OSBPL6: variants seen among roughly 807,000 people sequenced by gnomAD.
The protein encoded by OSBPL6 is oxysterol-binding protein-related protein 6.
In OSBPL6, 49 loss-of-function variants were observed where a neutral mutation model predicts 125.8. The observed-to-expected ratio is 0.39, with a 90% CI of 0.31 to 0.49. The LOEUF (loss-of-function observed/expected upper bound fraction) is 0.49. OSBPL6 is among the 20% of genes least tolerant of loss of function. The probability of loss-of-function intolerance (pLI) is 0.88; values close to 1 mark genes in which losing one functional copy is unlikely to be tolerated. For synonymous variants in OSBPL6, 394 were observed against 391.8 expected (o/e 1.01, Z -0.07); for missense variants, 986 against 1,135.4 (o/e 0.87, Z 1.89).
At chr2:178,264,676 A>G (rs186294047) in intron 1 of OSBPL6, among the ~76,000 whole-genome samples, 22 of 152,308 alleles carry the variant, frequency 1.4e-4, no homozygotes, top group South Asian at 4.1e-4. Flanking sequence ...ATATTCTCCA[A>G]TGGGTCCCTA....
chr2:178,208,294 A>AAG (rs1194454298), intron 1 of OSBPL6, among the ~76,000 whole-genome samples: 15 of 151,858 alleles, frequency 9.9e-5, no homozygotes, highest in African/African-American at 3.6e-4. Flanking sequence ...TAAAAAAAAA[A>AAG]AAAAAGAAAA....
chr2:178,222,457 C>T (rs1275866053), intron 1 of OSBPL6, among the ~76,000 whole-genome samples: 4 of 152,172 alleles, frequency 2.6e-5, no homozygotes, highest in African/African-American at 9.7e-5. Flanking sequence ...ATCCTGCTAA[C>T]ACGGTGAAAC....
intron 1 of OSBPL6, among the ~76,000 whole-genome samples, chr2:178,195,734 T>A (rs2088846259): frequency 6.6e-6 from 1 of 152,182 alleles, no homozygotes; most frequent in Non-Finnish European, 1.5e-5. Context: ...CCTGTAAGGT[T>A]TTTTCTATAG....
At chr2:178,363,189 C>A (rs1025170377) in intron 13 of OSBPL6, among the ~76,000 whole-genome samples, 1 of 152,132 alleles carries the variant, frequency 6.6e-6, no homozygotes, top group African/African-American at 2.4e-5. Context: ...CAAGAAAATG[C>A]ATTTGTTTCT....
intron 1 of OSBPL6, among the ~76,000 whole-genome samples, chr2:178,221,334 A>G (rs1387079903): frequency 6.6e-6 from 1 of 152,212 alleles, no homozygotes; most frequent in Admixed American, 6.5e-5. Context: ...TGTAGGGTAG[A>G]AACATCACTG....
intron 13 of OSBPL6, among the ~76,000 whole-genome samples, chr2:178,364,037 G>A (rs561991340): frequency 1.3e-5 from 2 of 152,302 alleles, no homozygotes; most frequent in African/African-American, 4.8e-5. Flanking sequence ...CTCCCTTTTG[G>A]AAACCACAGC....
chr2:178,291,821 CCATCCATT>C (rs1347982735), intron 2 of OSBPL6, among the ~76,000 whole-genome samples: 5 of 142,622 alleles, frequency 3.5e-5, no homozygotes, highest in Admixed American at 7.2e-5. Flanking sequence ...ATCCATCCAT[CCATCCATT>C]CATCCTTGAT....
chr2:178,350,450 AG>A (rs1360347022), intron 12 of OSBPL6, among the ~76,000 whole-genome samples: 2 of 152,230 alleles, frequency 1.3e-5, no homozygotes, highest in African/African-American at 4.8e-5. Context: ...GAGACTCAAC[AG>A]CCTGGTGGAA....
At chr2:178,215,565 C>T (rs189925743) in intron 1 of OSBPL6, among the ~76,000 whole-genome samples, 34 of 152,036 alleles carry the variant, frequency 2.2e-4, no homozygotes, top group Non-Finnish European at 3.2e-4. Context: ...TGAGAGAGAC[C>T]TAGTTTGATG....
chr2:178,265,880 G>A (rs1231090586), intron 1 of OSBPL6, among the ~76,000 whole-genome samples: 1 of 151,962 alleles, frequency 6.6e-6, no homozygotes, highest in East Asian at 1.9e-4. Flanking sequence ...CAGACTAGTG[G>A]GTAAAACATA....
intron 1 of OSBPL6, among the ~76,000 whole-genome samples, chr2:178,208,345 T>G (rs1375742544): frequency 6.6e-6 from 1 of 151,786 alleles, no homozygotes; most frequent in Non-Finnish European, 1.5e-5. Flanking sequence ...GAATATTAAT[T>G]AATACTTGCT....
In OSBPL6 at chr2:178,331,572, T is replaced by A. The variant is rs1351181705; in HGVS notation, c.339T>A (p.Asn113Lys). The change falls in exon 6 of 25, where the codon AAT becomes AAA. Residue 113 changes from asparagine (N) to lysine (K), a missense_variant. Coordinates refer to ENST00000190611, the MANE Select transcript of OSBPL6 (RefSeq NM_032523.4). The part of the protein sequence containing the change: ...GWHKRFFVLD[N>K]GMLKYSKAPL... ...TGCAGCGTTTTTTTGTCCTGGATAA[T>A]GGAATGTTAAAGTATTCAAAGGCAC... is the stretch of plus-strand genomic sequence containing the variant. The A allele has an allele frequency of 6.2e-7, 1 of 1,614,128 alleles. No individual in the cohort carries two copies. Among genetic ancestry groups the A allele is most frequent in the East Asian group, 2.2e-5 (1 of 44,872 alleles).
intron 11 of OSBPL6, among the ~76,000 whole-genome samples, chr2:178,343,804 T>C (rs1690447328): frequency 1.3e-5 from 2 of 152,148 alleles, no homozygotes; most frequent in Non-Finnish European, 2.9e-5. Flanking sequence ...TTACTTTTTT[T>C]CTTCCAGTAA....
At chr2:178,350,159 G>C (rs572478119) in intron 12 of OSBPL6, among the ~76,000 whole-genome samples, 3 of 152,142 alleles carry the variant, frequency 2.0e-5, no homozygotes, top group African/African-American at 7.2e-5. Flanking sequence ...TTTCAGTGAG[G>C]CTTGTTGTAT....
At chr2:178,341,828 A>G (rs764654192) in intron 11 of OSBPL6, among the ~76,000 whole-genome samples, 3 of 152,084 alleles carry the variant, frequency 2.0e-5, no homozygotes, top group Non-Finnish European at 4.4e-5. Flanking sequence ...GCTTGCCCAA[A>G]CCAACAGGTC....
intron 1 of OSBPL6, among the ~76,000 whole-genome samples, chr2:178,255,424 G>T (rs548925424): frequency 6.6e-6 from 1 of 152,326 alleles, no homozygotes; most frequent in South Asian, 2.1e-4. Flanking sequence ...AACAGCATGG[G>T]AAAAACGCTC....
intron 1 of OSBPL6, among the ~76,000 whole-genome samples, chr2:178,204,966 G>T (rs913140326): frequency 3.3e-5 from 5 of 152,128 alleles, no homozygotes; most frequent in Non-Finnish European, 7.4e-5. Flanking sequence ...GGCCTACAAG[G>T]TGTTGGTATT....
At chr2:178,334,509 T>C (rs918666494) in intron 8 of OSBPL6, among the ~76,000 whole-genome samples, 1 of 152,166 alleles carries the variant, frequency 6.6e-6, no homozygotes, top group African/African-American at 2.4e-5. Flanking sequence ...CCTTACGTTA[T>C]TTATTTATTT....
At chr2:178,280,057 G>A (rs966634640) in intron 1 of OSBPL6, among the ~76,000 whole-genome samples, 4 of 152,070 alleles carry the variant, frequency 2.6e-5, no homozygotes, top group Non-Finnish European at 5.9e-5. Context: ...AATTAGCTGG[G>A]CATGGTGGCG....
Sources: gnomAD v4.1 joint callset for allele counts (sites outside exome capture counted in the v4.1 genomes callset) on GRCh38, gnomAD v4.1.1 for gene constraint, MANE v1.5 for transcripts, NCBI Gene and HGNC (gene_info 2026-07-23, HGNC 2026-07-21) for gene names.